RMND1: variants seen among roughly 807,000 people sequenced by gnomAD.
The protein encoded by RMND1 is required for meiotic nuclear division 1 homolog, also known as required for meiotic nuclear division protein 1 homolog.
Under a neutral mutation model 54.0 loss-of-function variants are expected in RMND1, and 41 were observed. The observed-to-expected ratio is 0.76, with a 90% CI of 0.59 to 0.98. RMND1 has a LOEUF of 0.98. RMND1 is among the 50% of genes least tolerant of loss of function. The probability of loss-of-function intolerance (pLI) is 0.00; values close to 1 mark genes in which losing one functional copy is unlikely to be tolerated. For synonymous variants in RMND1, 183 were observed against 181.7 expected, an observed-to-expected ratio of 1.01 and a Z score of -0.06; for missense variants, 457 against 532.0, an observed-to-expected ratio of 0.86 and a Z score of 1.39.
chr6:151,406,601 C>T (rs907354451), intron 10 of RMND1, among the ~76,000 whole-genome samples: 3 of 152,120 alleles, frequency 2.0e-5, no homozygotes, highest in South Asian at 2.1e-4. Flanking sequence ...CCGCCCGCCT[C>T]GGCCTCCCAA....
At chr6:151,445,201 T>C in intron 2 of RMND1, 107 bp downstream of exon 2, 2 of 1,128,358 alleles carry the variant, frequency 1.8e-6, no homozygotes, top group Non-Finnish European at 2.5e-6. Context: ...GAAGTCTGAG[T>C]GACTGCTAGT....
At chr6:151,418,376 T>C (rs1780064738) in intron 9 of RMND1, among the ~76,000 whole-genome samples, 1 of 152,088 alleles carries the variant, frequency 6.6e-6, no homozygotes, top group Non-Finnish European at 1.5e-5. Context: ...ACTGTGACAC[T>C]GTACTCCAGC....
intron 6 of RMND1, 72 bp downstream of exon 6, chr6:151,427,410 T>C: frequency 1.1e-6 from 1 of 876,918 alleles, no homozygotes; most frequent in Non-Finnish European, 1.8e-6. Context: ...TGCATAATAA[T>C]TTGTCTCCTC....
rs531141604 is a variant in RMND1, at chr6:151,409,249, CCT to C, written c.1201-3415_1201-3414del. ...TGAAGACGGGTCAGTATGGTATTCCCCTGTTTCACCAGCCTAGGGCCTATCAT... is the reference window on the plus strand; with the variant it reads ...TGAAGACGGGTCAGTATGGTATTCCCGTTTCACCAGCCTAGGGCCTATCAT... On this transcript the variant is annotated intron_variant, in intron 10 of 11. Transcript: ENST00000444024. Among the ~76,000 whole-genome samples the C allele has an allele frequency of 6.2e-3, 944 of 152,240 alleles. 5 individuals are homozygous for C. The highest frequency in any genetic ancestry group is 0.011 in the Non-Finnish European group (744 of 68,016).
chr6:151,414,886 T>A (rs1779954700), intron 10 of RMND1, among the ~76,000 whole-genome samples: 1 of 152,138 alleles, frequency 6.6e-6, no homozygotes, highest in African/African-American at 2.4e-5. Flanking sequence ...TGGCATGGCA[T>A]TTTTCAGGTG....
At chr6:151,428,748 G>A (rs930857371) in intron 5 of RMND1, among the ~76,000 whole-genome samples, 5 of 152,040 alleles carry the variant, frequency 3.3e-5, no homozygotes, top group Admixed American at 2.0e-4. Flanking sequence ...TGTTCAGGCT[G>A]GTCTGGAACT....
rs563197262 is a variant in RMND1, at chr6:151,438,819, A to C, written c.505-2265T>G. The stretch of plus-strand genomic sequence containing the variant: ...ACTTTTTTTTTTTTTTCCAAAAAAA[A>C]CCCAAAAACCTTGGCAAGGCCCAAT... On this transcript the variant is annotated intron_variant, in intron 2 of 11. Transcript: ENST00000444024. Among the ~76,000 whole-genome samples the C allele has an allele frequency of 1.9e-3, 287 of 150,920 alleles. 7 individuals carry two copies. In the East Asian group the frequency reaches 0.038, roughly 20 times the overall value.
In RMND1 at chr6:151,436,468, A is replaced by C; in HGVS notation, c.591T>G (p.Val197=). 4 of 1,614,034 alleles carry C rather than the reference A, an allele frequency of 2.5e-6. No homozygotes were observed. Among genetic ancestry groups the C allele is most frequent in the Non-Finnish European group, 3.4e-6 (4 of 1,179,878 alleles). Reference sequence around the variant, plus strand: ...TACCTCTAGGCAAGCTTGTTACTTCAACATATCCGTGGGAGGCCAGATCTT... The same window carrying C: ...TACCTCTAGGCAAGCTTGTTACTTCCACATATCCGTGGGAGGCCAGATCTT... The part of the protein sequence containing the change: ...LSQDLASHGY[V]EVTSLPRDAA... Residue 197 remains valine, a synonymous_variant, in exon 3 of 12, where the codon GTT becomes GTG. Transcript: ENST00000444024.
intron 9 of RMND1, among the ~76,000 whole-genome samples, chr6:151,418,875 A>T (rs1286077463): frequency 6.6e-6 from 1 of 151,816 alleles, no homozygotes; most frequent in Non-Finnish European, 1.5e-5. Context: ...GGTTCAAGCA[A>T]TTCTCCTGCC....
intron 6 of RMND1, 139 bp downstream of exon 6, chr6:151,427,343 T>C: frequency 2.0e-6 from 1 of 495,982 alleles, no homozygotes; most frequent in Non-Finnish European, 3.6e-6. Context: ...GCCACTGCAC[T>C]CCATCCTGGG....
chr6:151,418,025 C>T (rs750786774), intron 9 of RMND1, among the ~76,000 whole-genome samples: 61 of 152,046 alleles, frequency 4.0e-4, no homozygotes, highest in Admixed American at 2.6e-4. Context: ...AGGCTGGTCT[C>T]GAACTCCTGA....
chr6:151,438,955 A>G (rs1780692355), intron 2 of RMND1, among the ~76,000 whole-genome samples: 1 of 152,152 alleles, frequency 6.6e-6, no homozygotes, highest in Non-Finnish European at 1.5e-5. Flanking sequence ...CTCTATTAAA[A>G]ATACAAAAAT....
intron 5 of RMND1, among the ~76,000 whole-genome samples, chr6:151,428,860 C>T (rs1215668162): frequency 1.3e-5 from 2 of 152,174 alleles, no homozygotes; most frequent in African/African-American, 2.4e-5. Flanking sequence ...CTAGCCTGCT[C>T]TCCAAAGTAG....
intron 2 of RMND1, among the ~76,000 whole-genome samples, chr6:151,443,095 G>A (rs1010879851): frequency 1.3e-5 from 2 of 152,004 alleles, no homozygotes; most frequent in African/African-American, 4.8e-5. Context: ...GGTATAAAGG[G>A]TTTACCATTT....
At chr6:151,424,607 C>A (rs1195440567) in intron 6 of RMND1, among the ~76,000 whole-genome samples, 1 of 152,012 alleles carries the variant, frequency 6.6e-6, no homozygotes, top group East Asian at 1.9e-4. Context: ...AAAAGGAGAA[C>A]GTTCACAGTA....
intron 4 of RMND1, among the ~76,000 whole-genome samples, chr6:151,430,896 G>A (rs1243728005): frequency 2.0e-5 from 3 of 151,960 alleles, no homozygotes; most frequent in Non-Finnish European, 4.4e-5. Context: ...ATGGCTCCAC[G>A]TTATTCTTGA....
Position 151,425,397 on chromosome 6 carries a change from A to C in RMND1, c.831-1766T>G, listed in dbSNP as rs114816599. ...GACTCTGGGATCCTAAGCACTGAGGATTTTACTCCTCACAGACTGTACAGT... is the reference window on the plus strand; with the variant it reads ...GACTCTGGGATCCTAAGCACTGAGGCTTTTACTCCTCACAGACTGTACAGT... On this transcript the variant is annotated intron_variant, in intron 6 of 11. Transcript: ENST00000444024. Among the ~76,000 whole-genome samples, 373 of 151,826 alleles carry C rather than the reference A, an allele frequency of 2.5e-3. 2 individuals carry two copies. Among genetic ancestry groups the C allele is most frequent in the Middle Eastern group, 0.01 (3 of 292 alleles).
At chr6:151,446,847 G>C (rs1780966073) in intron 1 of RMND1, among the ~76,000 whole-genome samples, 1 of 151,650 alleles carries the variant, frequency 6.6e-6, no homozygotes, top group African/African-American at 2.4e-5. Flanking sequence ...GTTGCAGTGA[G>C]CCAGGATTGC....
At chr6:151,423,078 AG>A (rs1393234580) in intron 7 of RMND1, among the ~76,000 whole-genome samples, 2 of 152,186 alleles carry the variant, frequency 1.3e-5, no homozygotes, top group Admixed American at 1.3e-4. Flanking sequence ...GAACTTGTAT[AG>A]TTTTATTCGG....
Sources: allele counts gnomAD v4.1 joint callset (sites outside exome capture counted in the v4.1 genomes callset), GRCh38; gene constraint gnomAD v4.1.1; transcripts MANE v1.5; gene names NCBI Gene and HGNC (gene_info 2026-07-23, HGNC 2026-07-21).